The following IL1RAPL2 variants were observed in gnomAD, a reference collection of about 807,000 sequenced individuals.
IL1RAPL2 encodes the protein X-linked interleukin-1 receptor accessory protein-like 2.
Under a neutral mutation model 44.1 loss-of-function variants are expected in IL1RAPL2, and 3 were observed. That is an observed-to-expected ratio of 0.07 (90% CI 0.03 to 0.18). IL1RAPL2 has a LOEUF of 0.18. IL1RAPL2 is among the 10% of genes least tolerant of loss of function. The probability of loss-of-function intolerance (pLI) is 1.00; values close to 1 mark genes in which losing one functional copy is unlikely to be tolerated. For synonymous variants in IL1RAPL2, 181 were observed against 178.8 expected (o/e 1.01, Z -0.10); for missense variants, 391 against 496.4 (o/e 0.79, Z 2.02).
intron 2 of IL1RAPL2, among the ~76,000 whole-genome samples, chrX:104,753,779 G>A (rs1932301610): frequency 9.0e-6 from 1 of 111,252 alleles, no homozygotes; most frequent in Non-Finnish European, 1.9e-5. Context: ...TGGATCAGAG[G>A]CACTTGAGAA....
chrX:105,707,801 G>C (rs2038176825), intron 6 of IL1RAPL2, among the ~76,000 whole-genome samples: 1 of 111,545 alleles, frequency 9.0e-6, no homozygotes, highest in Non-Finnish European at 1.9e-5. Flanking sequence ...GCAAAGTGCA[G>C]CTAAACTTTT....
intron 5 of IL1RAPL2, among the ~76,000 whole-genome samples, chrX:105,312,254 T>C (rs2147682067): frequency 8.9e-6 from 1 of 111,842 alleles, no homozygotes; most frequent in Non-Finnish European, 1.9e-5. Context: ...GAAATAAAAA[T>C]CCACAATTAG....
intron 2 of IL1RAPL2, among the ~76,000 whole-genome samples, chrX:105,170,694 A>G (rs764271587): frequency 4.5e-5 from 5 of 112,052 alleles, no homozygotes; most frequent in Non-Finnish European, 9.4e-5. Flanking sequence ...CCTTAACCCC[A>G]TGCTATACTG....
Position 105,749,599 on chromosome X carries a change from T to C in IL1RAPL2, c.1192+496T>C, listed in dbSNP as rs750401612. On this transcript the variant is annotated intron_variant, in intron 9 of 10. Transcript: ENST00000372582. ...GAGACAATCCTTTTAAAGCTCAAAG[T>C]ACATGTATCTACATATTTTGAATGC... 5.9e-4 allele frequency among the ~76,000 whole-genome samples: 66 copies of C among 111,884 alleles called. 1 individual carries two copies. The highest frequency in any genetic ancestry group is 3.0e-4 in the Non-Finnish European group (16 of 53,164).
At chrX:105,568,588 T>G (rs2036991817) in intron 6 of IL1RAPL2, among the ~76,000 whole-genome samples, 1 of 112,067 alleles carries the variant, frequency 8.9e-6, no homozygotes, top group South Asian at 3.7e-4. Flanking sequence ...GTAACAACAC[T>G]TTATGCAATG....
chrX:104,625,975 C>T (rs765319475), intron 1 of IL1RAPL2, among the ~76,000 whole-genome samples: 1 of 110,930 alleles, frequency 9.0e-6, no homozygotes, highest in South Asian at 3.9e-4. Flanking sequence ...TGTAAACTGA[C>T]AGTATTTTAC....
chrX:105,723,913 A>C (rs2038328727), intron 7 of IL1RAPL2, among the ~76,000 whole-genome samples: 1 of 111,963 alleles, frequency 8.9e-6, no homozygotes, highest in African/African-American at 3.2e-5. Flanking sequence ...GAGACCACAA[A>C]CATTTAGACC....
intron 2 of IL1RAPL2, among the ~76,000 whole-genome samples, chrX:105,018,116 G>C (rs1322647819): frequency 9.0e-6 from 1 of 111,452 alleles, no homozygotes; most frequent in African/African-American, 3.3e-5. Context: ...AATTTAAATA[G>C]ACTGGAAGGG....
At chrX:104,646,144 T>C (rs1222788038) in intron 1 of IL1RAPL2, among the ~76,000 whole-genome samples, 1 of 111,941 alleles carries the variant, frequency 8.9e-6, no homozygotes, top group Non-Finnish European at 1.9e-5. Flanking sequence ...GTTAATAAAA[T>C]GAATAAAAGC....
At chrX:104,681,174 C>T (rs1930885635) in intron 2 of IL1RAPL2, among the ~76,000 whole-genome samples, 1 of 112,226 alleles carries the variant, frequency 8.9e-6, no homozygotes, top group Non-Finnish European at 1.9e-5. Context: ...TTCCCCCTCA[C>T]ATATAATACT....
chrX:105,323,601 C>T (rs979268089), intron 5 of IL1RAPL2, among the ~76,000 whole-genome samples: 60 of 111,669 alleles, frequency 5.4e-4, no homozygotes, highest in African/African-American at 1.8e-3. Flanking sequence ...CTCAGCCAGG[C>T]GCGGTGGCTC....
chrX:105,284,134 C>T (rs757085450), intron 5 of IL1RAPL2, among the ~76,000 whole-genome samples: 1 of 111,645 alleles, frequency 9.0e-6, no homozygotes, highest in East Asian at 2.8e-4. Flanking sequence ...ATTTTACACA[C>T]ATTATTGCTA....
intron 2 of IL1RAPL2, among the ~76,000 whole-genome samples, chrX:104,688,816 CTA>C (rs1186734481): frequency 8.9e-6 from 1 of 111,932 alleles, no homozygotes; most frequent in Non-Finnish European, 1.9e-5. Context: ...ATTTTATTAA[CTA>C]TTTTAACTTT....
intron 2 of IL1RAPL2, among the ~76,000 whole-genome samples, chrX:104,677,837 C>T (rs1465927390): frequency 6.2e-5 from 7 of 112,005 alleles, no homozygotes; most frequent in African/African-American, 9.7e-5. Flanking sequence ...GCGCGGTATT[C>T]GGGTGGGAGT....
At chrX:104,926,522 T>C (rs1220602747) in intron 2 of IL1RAPL2, among the ~76,000 whole-genome samples, 2 of 111,894 alleles carry the variant, frequency 1.8e-5, no homozygotes, top group Non-Finnish European at 3.8e-5. Context: ...GATTAGATTG[T>C]CCTGAATTTG....
At chrX:104,632,136 A>C (rs1194026817) in intron 1 of IL1RAPL2, among the ~76,000 whole-genome samples, 3 of 111,633 alleles carry the variant, frequency 2.7e-5, no homozygotes, top group Non-Finnish European at 3.8e-5. Flanking sequence ...AGGTTTGTCA[A>C]AGATCAGATG....
chrX:105,541,404 T>C (rs2036733686), intron 6 of IL1RAPL2, among the ~76,000 whole-genome samples: 1 of 111,170 alleles, frequency 9.0e-6, no homozygotes, highest in Non-Finnish European at 1.9e-5. Context: ...AGATAGATTA[T>C]CCTTGAAGAA....
chrX:105,365,343 A>G (rs2035285793), intron 5 of IL1RAPL2, among the ~76,000 whole-genome samples: 1 of 111,488 alleles, frequency 9.0e-6, no homozygotes, highest in Non-Finnish European at 1.9e-5. Flanking sequence ...TTCATTAGGA[A>G]TATTGGCCTG....
intron 2 of IL1RAPL2, among the ~76,000 whole-genome samples, chrX:105,156,248 T>G (rs2147592054): frequency 8.9e-6 from 1 of 111,834 alleles, no homozygotes; most frequent in East Asian, 2.8e-4. Context: ...TTTCATCCTC[T>G]TAGGGGGCTT....
Sources: allele counts gnomAD v4.1 joint callset (sites outside exome capture counted in the v4.1 genomes callset), GRCh38; gene constraint gnomAD v4.1.1; transcripts MANE v1.5; gene names NCBI Gene and HGNC (gene_info 2026-07-23, HGNC 2026-07-21).